Variants in ATP1A3 observed in about 807,000 individuals in gnomAD.
The protein encoded by ATP1A3 is ATPase Na+/K+ transporting subunit alpha 3.
A neutral mutation model predicts 108.8 loss-of-function variants in ATP1A3; 12 were observed. That is an observed-to-expected ratio of 0.11 (90% CI 0.07 to 0.18). ATP1A3 has a LOEUF of 0.18. Among genes scored for constraint, ATP1A3 ranks in the 10% least tolerant of loss-of-function variants. ATP1A3 has a pLI of 1.00. For synonymous variants in ATP1A3, 539 were observed against 564.5 expected (o/e 0.95, Z 0.64); for missense variants, 498 against 1,387.7 (o/e 0.36, Z 10.19).
chr19:41,972,229 A>ACTCC (rs2075117371), intron 16 of ATP1A3, among the ~76,000 whole-genome samples: 1 of 152,052 alleles, frequency 6.6e-6, no homozygotes, highest in Admixed American at 6.6e-5. Context: ...CAGCCTGGGC[A>ACTCC]ACAGAGCAAG....
At chr19:41,966,993 G>A in intron 22 of ATP1A3, 28 bp from the exon 23 acceptor site, 1 of 1,551,626 alleles carries the variant, frequency 6.4e-7, no homozygotes, top group African/African-American at 1.4e-5. Flanking sequence ...GAAAGAAAGA[G>A]ACAGAGTAAG....
rs1172933596 is a variant in ATP1A3 at position 41,967,106 on chromosome 19, T to C, written c.3014-141A>G. The C allele has an allele frequency of 1.9e-6, 3 of 1,551,928 alleles. No homozygotes were observed. Among genetic ancestry groups the C allele is most frequent in the Non-Finnish European group, 2.6e-6 (3 of 1,147,782 alleles). Reference sequence around the variant, plus strand: ...GACAGAGACCCGTGAGAAGACAGAGTGGGTGCCCGGAGAGATGGGAAGAGA... The same window carrying C: ...GACAGAGACCCGTGAGAAGACAGAGCGGGTGCCCGGAGAGATGGGAAGAGA... On this transcript the variant is annotated intron_variant, in intron 22 of 22. Transcript: ENST00000648268. This position sits in a 1 kb window ranked among gnomAD's most constrained non-coding sequence, Gnocchi z 4.2.
chr19:41,970,868 G>C (rs555674581), intron 16 of ATP1A3, among the ~76,000 whole-genome samples: 20 of 151,760 alleles, frequency 1.3e-4, no homozygotes, highest in Non-Finnish European at 2.8e-4. Context: ...TCCTGACCTC[G>C]TGATCTGCCC....
chr19:41,994,021 C>G (rs1555868205), intron 1 of ATP1A3, 50 bp downstream of exon 1: 20 of 1,607,906 alleles, frequency 1.2e-5, no homozygotes, highest in Non-Finnish European at 1.7e-5. Context: ...CCAATGTCAC[C>G]GGCCCCACAA....
rs1280544428 is a variant in ATP1A3, at chr19:41,978,140, C to G, written c.1806+11G>C. 6.2e-7 allele frequency: 1 copy of G among 1,614,112 alleles called. No individual in the cohort carries two copies. Among genetic ancestry groups the G allele is most frequent in the African/African-American group, 1.3e-5 (1 of 74,924 alleles). On this transcript the variant is annotated intron_variant, in intron 13 of 22. Transcript: ENST00000648268. The surrounding 1 kb of genome is among the most constrained non-coding windows in gnomAD (Gnocchi z 8.3). ...CCTGGCTTTGCCTCCCCCAGCCACC[C>G]CAAGCCACACCTTGATGCCTGCGCT...
chr19:41,987,882 G>C (rs1334368036), intron 4 of ATP1A3, 54 bp downstream of exon 4: 2 of 1,595,070 alleles, frequency 1.3e-6, no homozygotes, highest in East Asian at 4.5e-5. Context: ...TTGGGGTGCG[G>C]TGTCCGTAAA....
At chr19:41,984,600 A>G (rs921315268) in intron 8 of ATP1A3, 2 of 337,548 alleles carry the variant, frequency 5.9e-6, no homozygotes, top group Non-Finnish European at 1.1e-5. Context: ...TTGCAATAGG[A>G]TTGTTGGCTC....
intron 11 of ATP1A3, among the ~76,000 whole-genome samples, chr19:41,979,916 C>T (rs1369166654): frequency 6.6e-6 from 1 of 152,198 alleles, no homozygotes; most frequent in Non-Finnish European, 1.5e-5. Flanking sequence ...GGCTGAGAGC[C>T]CCCTGGAGGC....
In ATP1A3 at chr19:41,975,753, G is replaced by C. The variant is rs141362710; in HGVS notation, c.2139C>G (p.Pro713=). ...CCCCAATGTCGGCCTTCTTCAGAGCGGGGGAGTCGTTCACACCATCCCCGG... is the reference window on the plus strand; with the variant it reads ...CCCCAATGTCGGCCTTCTTCAGAGCCGGGGAGTCGTTCACACCATCCCCGG... ...AVTGDGVNDS[P]ALKKADIGVA... is the part of the protein sequence containing the mutation. Residue 713 remains proline, a synonymous_variant, in exon 16 of 23, where the codon CCC becomes CCG. Transcript: ENST00000648268. 2.2e-5 allele frequency: 36 copies of C among 1,613,918 alleles called. No homozygotes were observed. The East Asian group carries it at 3.1e-4, about 14-fold the overall frequency.
chr19:41,976,285 C>T, intron 15 of ATP1A3, 131 bp downstream of exon 15: 1 of 1,311,936 alleles, frequency 7.6e-7, no homozygotes, highest in Non-Finnish European at 1.1e-6. Context: ...GGCCCCCAGA[C>T]CCTCCTCTCT....
At position 41,967,369 on chromosome 19, in the gene ATP1A3, G is replaced by A. The variant is rs2075054475; in HGVS notation, c.2922-29C>T. 1.9e-6 allele frequency: 3 copies of A among 1,598,162 alleles called. No homozygotes were observed. The highest frequency in any genetic ancestry group is 1.7e-4 in the Middle Eastern group (1 of 6,044). On this transcript the variant is annotated intron_variant, in intron 21 of 22. Transcript: ENST00000648268. This position sits in a 1 kb window ranked among gnomAD's most constrained non-coding sequence, Gnocchi z 4.2. ...CAGAGGGGAGAGCAGGAGGGCTTGAGTGCGGGGCCCTAACGAGAGGCAGAG... is the reference window on the plus strand; with the variant it reads ...CAGAGGGGAGAGCAGGAGGGCTTGAATGCGGGGCCCTAACGAGAGGCAGAG...
intron 4 of ATP1A3, among the ~76,000 whole-genome samples, 167 bp downstream of exon 4, chr19:41,987,769 A>T (rs1269830841): frequency 1.3e-5 from 2 of 152,060 alleles, no homozygotes; most frequent in Non-Finnish European, 2.9e-5. Context: ...TCTGAGCCTC[A>T]GTTTGCCTTG....
chr19:41,972,891 G>A (rs2075128390), intron 16 of ATP1A3, among the ~76,000 whole-genome samples: 1 of 148,100 alleles, frequency 6.8e-6, no homozygotes, highest in Non-Finnish European at 1.5e-5. Context: ...GGCAGGGACG[G>A]AGGGAGGGAG....
At chr19:41,986,350 A>G (rs1377223856) in intron 4 of ATP1A3, 121 bp from the exon 5 acceptor site, 1 of 931,650 alleles carries the variant, frequency 1.1e-6, no homozygotes. Flanking sequence ...TGTGTGTCTG[A>G]CCCTAGGTTG....
At position 41,969,024 on chromosome 19, in the gene ATP1A3, C is replaced by T. The variant is rs2075074231; in HGVS notation, c.2689-109G>A. On this transcript the variant is annotated intron_variant, in intron 19 of 22. Coordinates refer to ENST00000648268, the MANE Select transcript of ATP1A3 (RefSeq NM_152296.5). Reference sequence around the variant, plus strand: ...GCCCCGCCCCATCCTGCATGGGGTCCTCAGGGCCTCAGGTGTGTCTTCCTT... The same window carrying T: ...GCCCCGCCCCATCCTGCATGGGGTCTTCAGGGCCTCAGGTGTGTCTTCCTT... The T allele has an allele frequency of 4.0e-6, 6 of 1,484,672 alleles. No homozygotes were observed. The African/African-American group carries it at 8.3e-5, about 21-fold the overall frequency. 92.0% of individuals were successfully genotyped at this position (1,484,672 alleles called of 1,614,324 possible).
chr19:41,976,386 C>T lies in ATP1A3; in HGVS notation c.2094+30G>A, dbSNP rs548631040. 3.2e-5 allele frequency: 52 copies of T among 1,613,602 alleles called. No homozygotes were observed. In the Admixed American group the frequency reaches 5.7e-4, roughly 18 times the overall value. On this transcript the variant is annotated intron_variant, in intron 15 of 22. Transcript: ENST00000648268. Reference sequence around the variant, plus strand: ...AGTGAGGACCCAGGAGTCAAGGCCCCGTCCCCTCCTCTGCGGGAGCGCAGC... The same window carrying T: ...AGTGAGGACCCAGGAGTCAAGGCCCTGTCCCCTCCTCTGCGGGAGCGCAGC...
At chr19:41,976,335 GACCCAGGA>G (rs782685181) in intron 15 of ATP1A3, 73 bp downstream of exon 15, 30 of 1,579,926 alleles carry the variant, frequency 1.9e-5, no homozygotes, top group African/African-American at 2.7e-5. Context: ...TCCTCCCTCA[GACCCAGGA>G]AACCAGGCCC....
intron 11 of ATP1A3, among the ~76,000 whole-genome samples, chr19:41,980,537 C>G (rs782065341): frequency 3.9e-5 from 6 of 152,068 alleles, no homozygotes; most frequent in African/African-American, 7.2e-5. Context: ...TCACTTGAAC[C>G]CAGAGACAGA....
At chr19:41,976,682 C>G in intron 14 of ATP1A3, 116 bp from the exon 15 acceptor site, 1 of 1,467,744 alleles carries the variant, frequency 6.8e-7, no homozygotes. Context: ...AGCCAGAGGA[C>G]CAGGGGCTGG....
Sources: gnomAD v4.1 joint callset for allele counts (sites outside exome capture counted in the v4.1 genomes callset) on GRCh38, gnomAD v4.1.1 for gene constraint, Gnocchi (gnomAD v3.1) non-coding constraint, MANE v1.5 for transcripts, NCBI Gene and HGNC (gene_info 2026-07-23, HGNC 2026-07-21) for gene names.